ADD3: variants seen among roughly 807,000 people sequenced by gnomAD.
The protein encoded by ADD3 is adducin 3.
In ADD3, 25 loss-of-function variants were observed where a neutral mutation model predicts 80.2. The observed-to-expected ratio is 0.31, with a 90% CI of 0.23 to 0.44. The LOEUF is 0.44. ADD3 is among the 20% of genes least tolerant of loss of function. ADD3 has a pLI of 1.00. For synonymous variants in ADD3, 284 were observed against 289.6 expected, an observed-to-expected ratio of 0.98 and a Z score of 0.20; for missense variants, 829 against 847.5, an observed-to-expected ratio of 0.98 and a Z score of 0.27.
chr10:110,101,453 G>A (rs1848799635), intron 2 of ADD3, among the ~76,000 whole-genome samples: 1 of 152,042 alleles, frequency 6.6e-6, no homozygotes, highest in Non-Finnish European at 1.5e-5. Context: ...AGGCAGCATA[G>A]TGAATCCTTG....
intron 2 of ADD3, among the ~76,000 whole-genome samples, chr10:110,108,079 G>A (rs750007470): frequency 6.6e-6 from 1 of 152,090 alleles, no homozygotes; most frequent in Non-Finnish European, 1.5e-5. Context: ...GGAGACTCCA[G>A]GGAACTGTTG....
At chr10:110,114,110 G>T (rs1222771667) in intron 3 of ADD3, among the ~76,000 whole-genome samples, 1 of 152,172 alleles carries the variant, frequency 6.6e-6, no homozygotes, top group Admixed American at 6.5e-5. Flanking sequence ...GGGCCTGCTG[G>T]CTGGAATGTA....
At chr10:110,074,654 G>T (rs1845178143) in intron 1 of ADD3, among the ~76,000 whole-genome samples, 1 of 149,544 alleles carries the variant, frequency 6.7e-6, no homozygotes, top group Non-Finnish European at 1.5e-5. Context: ...TTCTCTTTTT[G>T]CTAACTTTCA....
At chr10:110,008,715 C>T (rs1564831314) in intron 1 of ADD3, among the ~76,000 whole-genome samples, 5 of 152,080 alleles carry the variant, frequency 3.3e-5, no homozygotes, top group South Asian at 2.1e-4. Context: ...GAGGTTCCTG[C>T]GCTTAGAAAA....
chr10:110,009,458 G>A (rs955281829), intron 1 of ADD3, among the ~76,000 whole-genome samples: 1 of 152,132 alleles, frequency 6.6e-6, no homozygotes, highest in African/African-American at 2.4e-5. Context: ...AGTGCAATTT[G>A]TCGTTTTCAA....
At chr10:110,032,587 C>G (rs1855174171) in intron 1 of ADD3, among the ~76,000 whole-genome samples, 1 of 152,156 alleles carries the variant, frequency 6.6e-6, no homozygotes, top group African/African-American at 2.4e-5. Context: ...CTGTAAAATA[C>G]TATTTCAGGA....
chr10:110,069,230 A>T (rs186399613), intron 1 of ADD3, among the ~76,000 whole-genome samples: 2 of 152,206 alleles, frequency 1.3e-5, no homozygotes, highest in Non-Finnish European at 2.9e-5. Flanking sequence ...TCAGGTTGTC[A>T]TGATTGTATA....
At chr10:110,072,054 T>C (rs1297730869) in intron 1 of ADD3, among the ~76,000 whole-genome samples, 1 of 152,226 alleles carries the variant, frequency 6.6e-6, no homozygotes, top group African/African-American at 2.4e-5. Context: ...ATTTACCATG[T>C]ATAATTTTAT....
intron 1 of ADD3, among the ~76,000 whole-genome samples, chr10:110,008,643 C>A (rs1851943667): frequency 6.6e-6 from 1 of 152,160 alleles, no homozygotes; most frequent in South Asian, 2.1e-4. Flanking sequence ...AAATCAGTTA[C>A]TGGCTGAAGC....
chr10:110,062,763 C>G (rs1859087234), intron 1 of ADD3, among the ~76,000 whole-genome samples: 1 of 152,152 alleles, frequency 6.6e-6, no homozygotes, highest in Admixed American at 6.5e-5. Context: ...AGCATTCTAC[C>G]AGCAGATACG....
Position 110,047,248 on chromosome 10 carries a change from C to A in ADD3, c.-30+38949C>A, listed in dbSNP as rs968323853. ...AAAACTCAATAATATAGGTAACTCA[C>A]AATTTACAAAGTAGATTTGCCGACT... On this transcript the variant is annotated intron_variant, in intron 1 of 14. Transcript: ENST00000356080. Among the ~76,000 whole-genome samples the A allele has an allele frequency of 2.6e-5, 4 of 152,192 alleles. No individual in the cohort carries two copies. The East Asian group carries it at 7.7e-4, about 29-fold the overall frequency.
chr10:110,086,376 C>G (rs1391450438), intron 1 of ADD3, among the ~76,000 whole-genome samples: 1 of 152,156 alleles, frequency 6.6e-6, no homozygotes, highest in Non-Finnish European at 1.5e-5. Flanking sequence ...TGCCACTGCA[C>G]TCCAGCCTGG....
chr10:110,096,969 G>C (rs1038600659), intron 1 of ADD3, among the ~76,000 whole-genome samples: 2 of 152,148 alleles, frequency 1.3e-5, no homozygotes, highest in African/African-American at 4.8e-5. Flanking sequence ...TGTAAGATAG[G>C]CAAGAATGGC....
intron 1 of ADD3, among the ~76,000 whole-genome samples, chr10:110,047,184 T>G (rs143875125): frequency 6.6e-5 from 10 of 152,334 alleles, no homozygotes; most frequent in African/African-American, 1.9e-4. Flanking sequence ...TTTAGGGCAG[T>G]TGTAAAAGTC....
intron 1 of ADD3, among the ~76,000 whole-genome samples, chr10:110,036,656 G>A (rs2133244551): frequency 6.6e-6 from 1 of 151,818 alleles, no homozygotes; most frequent in East Asian, 1.9e-4. Context: ...ACAGGCGTGA[G>A]CCACCACGCC....
At chr10:110,003,273 T>C (rs1851522064), upstream of ADD3, among the ~76,000 whole-genome samples, 1 of 142,742 alleles carries the variant, frequency 7.0e-6, no homozygotes, top group African/African-American at 2.7e-5. Context: ...TCCTCAAAGC[T>C]GAGAAGTTGT....
chr10:110,050,674 A>T (rs1178519579), intron 1 of ADD3, among the ~76,000 whole-genome samples: 1 of 151,932 alleles, frequency 6.6e-6, no homozygotes, highest in East Asian at 1.9e-4. Context: ...GACCACACCA[A>T]GCTAATTTTC....
chr10:110,049,670 G>A (rs193001810), intron 1 of ADD3, among the ~76,000 whole-genome samples: 320 of 152,252 alleles, frequency 2.1e-3, no homozygotes, highest in African/African-American at 7.3e-3. Context: ...GGCAGGTCAC[G>A]AGGTCAGGAG....
rs139343347 is a variant in ADD3, at chr10:110,112,892, C to T, written c.311C>T (p.Ser104Leu). ...IADYIMANSF[S>L]GFSSPPLSLG... ...GATTACATCATGGCCAATTCTTTCT[C>T]GGGTTTTTCTTCACCTCCTCTCAGT... Residue 104 changes from serine to leucine, a missense_variant, in exon 3 of 15, where the codon TCG becomes TTG. Physicochemically the swap from Ser to Leu is moderately radical, Grantham distance 145 (BLOSUM62 -2). Coordinates refer to ENST00000356080, the MANE Select transcript of ADD3 (RefSeq NM_016824.5). 154 of 1,613,648 alleles carry T rather than the reference C, an allele frequency of 9.5e-5. No homozygotes were observed. The highest frequency in any genetic ancestry group is 7.5e-4 in the African/African-American group (56 of 75,008).
Sources: gnomAD v4.1 joint callset for allele counts (sites outside exome capture counted in the v4.1 genomes callset) on GRCh38, gnomAD v4.1.1 for gene constraint, MANE v1.5 for transcripts, NCBI Gene and HGNC (gene_info 2026-07-23, HGNC 2026-07-21) for gene names.